The following SLC8B1 variants were observed in gnomAD, a reference collection of about 807,000 sequenced individuals.
The protein encoded by SLC8B1 is mitochondrial sodium/calcium exchanger protein.
SLC8B1 carries 52 observed loss-of-function variants against 63.4 expected under a neutral mutation model. The observed-to-expected ratio is 0.82, with a 90% CI of 0.66 to 1.03. The LOEUF (loss-of-function observed/expected upper bound fraction) is 1.03. SLC8B1 is among the 50% of genes least tolerant of loss of function. The pLI is 0.00. For missense variants in SLC8B1, 657 were observed against 741.7 expected (o/e 0.89, Z 1.33); for synonymous variants, 336 against 323.9 (o/e 1.04, Z -0.40).
intron 1 of SLC8B1, among the ~76,000 whole-genome samples, chr12:113,333,823 C>T (rs1400802886): frequency 6.6e-6 from 1 of 152,212 alleles, no homozygotes; most frequent in African/African-American, 2.4e-5. Context: ...ATTCTCCTGC[C>T]TCAGCCTCCC....
rs753662896 is a variant in SLC8B1 at position 113,299,637 on chromosome 12, T to G, written c.*140A>C. 8 of 757,480 alleles carry G rather than the reference T, an allele frequency of 1.1e-5. No homozygotes were observed. Among genetic ancestry groups the G allele is most frequent in the Non-Finnish European group, 1.8e-5 (8 of 449,080 alleles). The allele number at this position is 757,480 out of a possible 1,614,324, so 46.9% of individuals were successfully genotyped here. A position where few individuals can be genotyped will look rare whatever the true frequency, so the allele number is the denominator to read the frequency against. On this transcript the variant is annotated 3_prime_UTR_variant, in exon 16 of 16. Transcript: ENST00000680972. ...CAGCAGTTCTCCCAGCTCACAGCAGTGACCTCAGATCTCCAGCAGCAAGGG... is the reference window on the plus strand; with the variant it reads ...CAGCAGTTCTCCCAGCTCACAGCAGGGACCTCAGATCTCCAGCAGCAAGGG...
chr12:113,311,563 G>A (rs1386202276), intron 11 of SLC8B1, among the ~76,000 whole-genome samples: 5 of 151,958 alleles, frequency 3.3e-5, no homozygotes, highest in African/African-American at 9.7e-5. Flanking sequence ...GGCGGTTGCA[G>A]TGAACCTAAA....
chr12:113,302,032 G>A (rs1956594823), intron 15 of SLC8B1: 1 of 152,272 alleles, frequency 6.6e-6, no homozygotes, highest in South Asian at 2.1e-4. Context: ...TAGAACTGGG[G>A]AGGAGCCTGC....
chr12:113,325,177 C>A (rs947812678), intron 2 of SLC8B1, among the ~76,000 whole-genome samples: 1 of 151,794 alleles, frequency 6.6e-6, no homozygotes, highest in Non-Finnish European at 1.5e-5. Context: ...TAGTTATTAC[C>A]CCTATCTCCA....
intron 2 of SLC8B1, 58 bp downstream of exon 2, chr12:113,332,665 T>G: frequency 6.5e-7 from 1 of 1,542,946 alleles, no homozygotes; most frequent in Non-Finnish European, 8.8e-7. Context: ...TCAATAGATA[T>G]TTATCGATTG....
rs112207961 is a variant in SLC8B1 at position 113,300,126 on chromosome 12, TCAA to T, written c.1558-155_1558-153del. The T allele has an allele frequency of 9.0e-4, 538 of 598,940 alleles. 6 individuals carry two copies. Among genetic ancestry groups the T allele is most frequent in the African/African-American group, 8.3e-3 (441 of 53,074 alleles). 37.1% of individuals were successfully genotyped at this position (598,940 alleles called of 1,614,324 possible). On this transcript the variant is annotated intron_variant, in intron 15 of 15. Transcript: ENST00000680972. ...ATGCAGCCTCAGCAACAATGCAGCC[TCAA>T]CAACAATCCAGCCTCAACAACAATG...
At chr12:113,321,449 C>A in intron 2 of SLC8B1, 101 bp from the exon 3 acceptor site, 1 of 1,501,756 alleles carries the variant, frequency 6.7e-7, no homozygotes. Context: ...TCAGCCTGGT[C>A]TCCAAGGCCA....
intron 2 of SLC8B1, among the ~76,000 whole-genome samples, chr12:113,323,038 C>T (rs562381527): frequency 4.6e-5 from 7 of 152,282 alleles, no homozygotes; most frequent in African/African-American, 1.7e-4. Context: ...CAGTTACCAC[C>T]ACCATGAGCT....
chr12:113,310,297 G>A lies in SLC8B1; in HGVS notation c.1194C>T (p.Gly398=). The stretch of plus-strand genomic sequence containing the variant: ...AAAAGGTCACTGAAGCCAAGGCTGT[G>A]CCTGCGATCACCACCACGACCCAGA... ...VPVWVVVVIA[G]TALASVTFFA... Residue 398 remains glycine, a synonymous_variant, in exon 12 of 16, where the codon GGC becomes GGT. Transcript: ENST00000680972. The A allele has an allele frequency of 6.2e-7, 1 of 1,614,162 alleles. No individual in the cohort carries two copies. The highest frequency in any genetic ancestry group is 8.5e-7 in the Non-Finnish European group (1 of 1,180,030).
Position 113,320,695 on chromosome 12 carries a change from A to C in SLC8B1, c.421-9T>G. 6.2e-7 allele frequency: 1 copy of C among 1,612,274 alleles called. No individual in the cohort carries two copies. The highest frequency in any genetic ancestry group is 8.5e-7 in the Non-Finnish European group (1 of 1,179,278). Reference sequence around the variant, plus strand: ...GCCAGGAAGGTGACGCCATGTGGGGAGCATGTCAAGGCGGGCCAGGATCGC... The same window carrying C: ...GCCAGGAAGGTGACGCCATGTGGGGCGCATGTCAAGGCGGGCCAGGATCGC... On this transcript the variant is annotated splice_polypyrimidine_tract_variant and intron_variant, in intron 5 of 15. Transcript: ENST00000680972. This position sits in a 1 kb window ranked among gnomAD's most constrained non-coding sequence, Gnocchi z 5.3.
chr12:113,310,646 TA>T (rs899428398), intron 11 of SLC8B1, among the ~76,000 whole-genome samples: 10 of 152,190 alleles, frequency 6.6e-5, no homozygotes, highest in African/African-American at 2.2e-4. Context: ...CAGACATCAC[TA>T]ATCAAGCACA....
Position 113,299,481 on chromosome 12 carries a change from CTT to C in SLC8B1, c.*294_*295del, listed in dbSNP as rs1956538818. 1 of 376,832 alleles carries C rather than the reference CTT, an allele frequency of 2.7e-6. No individual in the cohort carries two copies. Among genetic ancestry groups the C allele is most frequent in the African/African-American group, 2.1e-5 (1 of 48,406 alleles). 23.3% of individuals were successfully genotyped at this position (376,832 alleles called of 1,614,324 possible). ...CATCCCCTTCCCCCAAACTCCAGCCCTTCTCAGAGGGGCTCTGGGGGTCATTC... is the reference window on the plus strand; with the variant it reads ...CATCCCCTTCCCCCAAACTCCAGCCCCTCAGAGGGGCTCTGGGGGTCATTC... On this transcript the variant is annotated 3_prime_UTR_variant, in exon 16 of 16. Coordinates refer to ENST00000680972, the MANE Select transcript of SLC8B1 (RefSeq NM_001358345.2).
intron 15 of SLC8B1, chr12:113,302,493 C>T (rs1956602051): frequency 5.5e-6 from 2 of 361,854 alleles, no homozygotes; most frequent in Non-Finnish European, 1.1e-5. Context: ...GGAACTAACA[C>T]TATCTATGGT....
intron 2 of SLC8B1, among the ~76,000 whole-genome samples, chr12:113,329,880 G>A (rs1161864601): frequency 6.6e-6 from 1 of 152,108 alleles, no homozygotes; most frequent in Non-Finnish European, 1.5e-5. Context: ...GGTCCCCAGG[G>A]CCCCTGTTCT....
At chr12:113,318,651 C>T (rs545597659) in intron 8 of SLC8B1, among the ~76,000 whole-genome samples, 5 of 152,246 alleles carry the variant, frequency 3.3e-5, no homozygotes, top group East Asian at 3.9e-4. Context: ...GTCCCTGTCA[C>T]GGCAGCGTTT....
intron 10 of SLC8B1, among the ~76,000 whole-genome samples, chr12:113,316,184 A>G (rs1200854431): frequency 1.3e-5 from 2 of 151,692 alleles, no homozygotes. Context: ...AGACCGCGCC[A>G]CTGCACACTC....
chr12:113,300,215 T>C lies in SLC8B1; in HGVS notation c.1558-241A>G, dbSNP rs370184335. ...AATCTCAGCCGAGCACAGTGGCTCA[T>C]GCCTGTAATTCCAGCACTTTGGGAG... On this transcript the variant is annotated intron_variant, in intron 15 of 15. Transcript: ENST00000680972. 3.9e-5 allele frequency among the ~76,000 whole-genome samples: 6 copies of C among 152,336 alleles called. No homozygotes were observed. In the South Asian group the frequency reaches 1.0e-3, roughly 26 times the overall value.
At chr12:113,319,232 T>C in intron 7 of SLC8B1, 161 bp from the exon 8 acceptor site, 1 of 604,592 alleles carries the variant, frequency 1.7e-6, no homozygotes, top group Non-Finnish European at 3.0e-6. Flanking sequence ...TCCCCACTCC[T>C]TCCTCCTGCC....
intron 9 of SLC8B1, 79 bp downstream of exon 9, chr12:113,316,863 G>A: frequency 6.5e-7 from 1 of 1,535,146 alleles, no homozygotes; most frequent in Non-Finnish European, 8.9e-7. Flanking sequence ...TGGAGCCCAG[G>A]TCTTGGAGGG....
Sources: gnomAD v4.1 joint callset for allele counts (sites outside exome capture counted in the v4.1 genomes callset) on GRCh38, gnomAD v4.1.1 for gene constraint, Gnocchi (gnomAD v3.1) non-coding constraint, MANE v1.5 for transcripts, NCBI Gene and HGNC (gene_info 2026-07-23, HGNC 2026-07-21) for gene names.